Variants in PAXX observed in about 807,000 individuals in gnomAD.
The protein encoded by PAXX is PAXX non-homologous end joining factor.
A neutral mutation model predicts 25.6 loss-of-function variants in PAXX; 27 were observed. The observed-to-expected ratio is 1.06, with a 90% CI of 0.78 to 1.46. The LOEUF (loss-of-function observed/expected upper bound fraction) is 1.46, where lower values mean the gene tolerates loss of function less well. Among genes scored for constraint, PAXX ranks in the 40% most tolerant of loss-of-function variants. The pLI, the probability that PAXX is intolerant of heterozygous loss-of-function variation, is 0.00. For synonymous variants in PAXX, 126 were observed against 125.7 expected, an observed-to-expected ratio of 1.00 and a Z score of -0.02; for missense variants, 295 against 280.2, an observed-to-expected ratio of 1.05 and a Z score of -0.38.
chr9:136,992,658 G>T lies in PAXX; in HGVS notation c.138G>T (p.Glu46Asp). 6.5e-7 allele frequency: 1 copy of T among 1,541,130 alleles called. No homozygotes were observed. The highest frequency in any genetic ancestry group is 8.7e-7 in the Non-Finnish European group (1 of 1,146,836). ...GFNLYVTDAA[E>D]LWSTCFTPDS... ...CCCCCAGCGTGACCGACGCCGCGGA[G>T]CTTTGGAGCACCTGCTTCACGCCGG... Residue 46 changes from glutamate (E) to aspartate (D), a missense_variant, in exon 2 of 7, where the codon GAG (glutamate) becomes GAT (aspartate). Coordinates refer to ENST00000371620, the MANE Select transcript of PAXX (RefSeq NM_183241.3).
Position 136,993,129 on chromosome 9 carries a change from T to G in PAXX, c.307T>G (p.Ser103Ala). The change falls in exon 4 of 7, where the codon TCG becomes GCG. Residue 103 changes from serine (S) to alanine (A), a missense_variant. Physicochemically the swap from Ser to Ala is moderately conservative, Grantham distance 99. Transcript: ENST00000371620. ...RASLTLSGGP[S>A]ALAFDLSKVP... ...ATCCCTGACGCTTTCAGGGGGGCCC[T>G]CGGCACTGGCCTTTGACCTCTCCAA... 6.2e-7 allele frequency: 1 copy of G among 1,600,090 alleles called. No individual in the cohort carries two copies. Among genetic ancestry groups the G allele is most frequent in the South Asian group, 1.1e-5 (1 of 89,628 alleles).
chr9:136,993,715 A>G, intron 6 of PAXX, 51 bp downstream of exon 6: 1 of 1,612,622 alleles, frequency 6.2e-7, no homozygotes, highest in Non-Finnish European at 8.5e-7. Flanking sequence ...CCTGGACCCC[A>G]CCCCTTTCTC....
intron 5 of PAXX, 51 bp from the exon 6 acceptor site, chr9:136,993,529 G>A (rs773453485): frequency 6.2e-7 from 1 of 1,607,680 alleles, no homozygotes; most frequent in Non-Finnish European, 8.5e-7. Context: ...AGAAGGTTGT[G>A]GTTGGGATGC....
intron 4 of PAXX, 34 bp downstream of exon 4, chr9:136,993,277 T>G: frequency 1.3e-6 from 2 of 1,565,996 alleles, no homozygotes; most frequent in Non-Finnish European, 1.7e-6. Flanking sequence ...ATACCTTCAC[T>G]GGGGTCCCCT....
Position 136,993,130 on chromosome 9 carries a change from C to A in PAXX, c.308C>A (p.Ser103Ter). Residue 103 changes from serine to a stop codon, truncating the protein, a stop_gained, in exon 4 of 7, where the codon TCG (serine) becomes TAG (stop). Transcript: ENST00000371620. LOFTEE classifies it high-confidence loss of function. ...TCCCTGACGCTTTCAGGGGGGCCCT[C>A]GGCACTGGCCTTTGACCTCTCCAAG... ...RASLTLSGGP[S>*]ALAFDLSKVP... The A allele has an allele frequency of 1.3e-6, 2 of 1,599,176 alleles. No individual in the cohort carries two copies.
Position 136,993,911 on chromosome 9 carries a change from C to A in PAXX, c.*106C>A. The stretch of plus-strand genomic sequence containing the variant: ...CCGCCACCACCTCCACCTGCCTGTC[C>A]TGGGCCAGGACTAACACGGCTCCTC... On this transcript the variant is annotated 3_prime_UTR_variant, in exon 7 of 7. Coordinates refer to ENST00000371620, the MANE Select transcript of PAXX (RefSeq NM_183241.3). 1 of 1,144,956 alleles carries A rather than the reference C, an allele frequency of 8.7e-7. No individual in the cohort carries two copies. Among genetic ancestry groups the A allele is most frequent in the Non-Finnish European group, 1.3e-6 (1 of 786,516 alleles). The allele number at this position is 1,144,956 out of a possible 1,614,324, so 70.9% of individuals were successfully genotyped here.
At position 136,993,368 on chromosome 9, in the gene PAXX, G is replaced by A. The variant is rs774501223; in HGVS notation, c.447G>A (p.Pro149=). 4 of 1,606,214 alleles carry A rather than the reference G, an allele frequency of 2.5e-6. No homozygotes were observed. The African/African-American group carries it at 4.0e-5, about 16-fold the overall frequency. Residue 149 remains proline (P), a synonymous_variant, in exon 5 of 7, where the codon CCG becomes CCA. Coordinates refer to ENST00000371620, the MANE Select transcript of PAXX (RefSeq NM_183241.3). ...LAAAEETAVS[P]RKSPRPAGPQ... is the part of the protein sequence containing the mutation. ...CTGCAGAAGAGACAGCTGTCAGCCC[G>A]AGGAAGAGCCCCCGGCCTGCAGGGC...
rs1328648507 is a variant in PAXX, at chr9:136,992,498, C to T, written c.55C>T (p.Arg19Cys). ...CTLPPGPEPP[R>C]FVCYCEGEES... ...GCTGCCGCCGGGCCCCGAGCCGCCC[C>T]GCTTCGTGTGCTACTGCGAAGGGGA... is the stretch of plus-strand genomic sequence containing the variant. Residue 19 changes from arginine to cysteine, a missense_variant, in exon 1 of 7, where the codon CGC becomes TGC. Arg to Cys is a radical substitution (Grantham distance 180). Transcript: ENST00000371620. The T allele has an allele frequency of 2.1e-6, 3 of 1,408,960 alleles. No individual in the cohort carries two copies. Among genetic ancestry groups the T allele is most frequent in the Admixed American group, 3.2e-5 (1 of 31,184 alleles). 87.3% of individuals were successfully genotyped at this position (1,408,960 alleles called of 1,614,324 possible).
chr9:136,992,908 G>GC lies in PAXX; in HGVS notation c.181-13dup. The stretch of plus-strand genomic sequence containing the variant: ...TCGGGTTCCAGGCAGCTCGTGACAA[G>GC]CCCCTGTGCTCTCTAGAAAGCCCGT... On this transcript the variant is annotated splice_polypyrimidine_tract_variant and intron_variant, in intron 2 of 6. Transcript: ENST00000371620. 1 of 1,613,412 alleles carries GC rather than the reference G, an allele frequency of 6.2e-7. No homozygotes were observed. Among genetic ancestry groups the GC allele is most frequent in the Non-Finnish European group, 8.5e-7 (1 of 1,179,948 alleles).
intron 2 of PAXX, 30 bp from the exon 3 acceptor site, chr9:136,992,895 C>CCCTGTGACA: frequency 6.2e-7 from 1 of 1,613,222 alleles, no homozygotes; most frequent in Non-Finnish European, 8.5e-7. Context: ...GGGTTCCAGG[C>CCCTGTGACA]AGCTCGTGAC....
Position 136,992,575 on chromosome 9 carries a change from C to T in PAXX, c.119+13C>T, listed in dbSNP as rs866558858. 250 of 1,509,064 alleles carry T rather than the reference C, an allele frequency of 1.7e-4. 1 individual carries two copies. In the African/African-American group the frequency reaches 2.6e-3, roughly 16 times the overall value. 93.5% of individuals were successfully genotyped at this position (1,509,064 alleles called of 1,614,324 possible). A position where few individuals can be genotyped will look rare whatever the true frequency, so the allele number is the denominator to read the frequency against. On this transcript the variant is annotated intron_variant, in intron 1 of 6. Coordinates refer to ENST00000371620, the MANE Select transcript of PAXX (RefSeq NM_183241.3). ...GCTTCAACCTCTAGTGAGTGGGGGT[C>T]CGCGGGGAGGTAGGGGTGCAGGGAG...
Position 136,993,577 on chromosome 9 carries a change from C to T in PAXX, c.491-3C>T. ...GAGCTGCCCCTGTCCTGTTTTCCCC[C>T]AGACCCAGATCCCCAGAGAGGTGGC... is the stretch of plus-strand genomic sequence containing the variant. On this transcript the variant is annotated splice_polypyrimidine_tract_variant and splice_region_variant and intron_variant, in intron 5 of 6. Transcript: ENST00000371620. 1 of 1,613,930 alleles carries T rather than the reference C, an allele frequency of 6.2e-7. No individual in the cohort carries two copies. The highest frequency in any genetic ancestry group is 8.5e-7 in the Non-Finnish European group (1 of 1,179,980).
chr9:136,992,503 C>A lies in PAXX; in HGVS notation c.60C>A (p.Phe20Leu). Residue 20 changes from phenylalanine (F) to leucine (L), a missense_variant, in exon 1 of 7, where the codon TTC becomes TTA. By Grantham distance (22) the Phe-to-Leu change is conservative. Coordinates refer to ENST00000371620, the MANE Select transcript of PAXX (RefSeq NM_183241.3). ...TLPPGPEPPR[F>L]VCYCEGEESG... Reference sequence around the variant, plus strand: ...CGCCGGGCCCCGAGCCGCCCCGCTTCGTGTGCTACTGCGAAGGGGAGGAAA... The same window carrying A: ...CGCCGGGCCCCGAGCCGCCCCGCTTAGTGTGCTACTGCGAAGGGGAGGAAA... 1.4e-6 allele frequency: 2 copies of A among 1,411,388 alleles called. No homozygotes were observed. The highest frequency in any genetic ancestry group is 3.2e-5 in the Admixed American group (1 of 31,632). The allele number at this position is 1,411,388 out of a possible 1,614,324, so 87.4% of individuals were successfully genotyped here. A position where few individuals can be genotyped will look rare whatever the true frequency, so the allele number is the denominator to read the frequency against.
At position 136,993,208 on chromosome 9, in the gene PAXX, C is replaced by G. The variant is rs1289289528; in HGVS notation, c.386C>G (p.Ala129Gly). The change falls in exon 4 of 7, where the codon GCA becomes GGA. Residue 129 changes from alanine to glycine, a missense_variant. By Grantham distance (60) the Ala-to-Gly change is moderately conservative. Transcript: ENST00000371620. The stretch of plus-strand genomic sequence containing the variant: ...CTGCGGGCGCTGACACTGGGCCTGG[C>G]AAAACGCGTGTGGAGCCTGGAGCGG... ...PRLRALTLGL[A>G]KRVWSLERRL... 1.3e-6 allele frequency: 2 copies of G among 1,539,542 alleles called. No homozygotes were observed. The highest frequency in any genetic ancestry group is 4.1e-5 in the Admixed American group (2 of 48,532).
rs1390604188 is a variant in PAXX at position 136,992,705 on chromosome 9, G to C, written c.180+5G>C. The C allele has an allele frequency of 4.5e-6, 7 of 1,540,888 alleles. No homozygotes were observed. The highest frequency in any genetic ancestry group is 6.1e-6 in the Non-Finnish European group (7 of 1,147,066). On this transcript the variant is annotated splice_donor_5th_base_variant and intron_variant, in intron 2 of 6. Transcript: ENST00000371620. ...CCGGACAGCCTGGCGGCCCTCGTGGGTAACTGGGCGGGTCTGGGAGCCGCC... is the reference window on the plus strand; with the variant it reads ...CCGGACAGCCTGGCGGCCCTCGTGGCTAACTGGGCGGGTCTGGGAGCCGCC...
chr9:136,992,690 T>C lies in PAXX; in HGVS notation c.170T>C (p.Leu57Pro), dbSNP rs1430759511. ...AGCACCTGCTTCACGCCGGACAGCC[T>C]GGCGGCCCTCGTGGGTAACTGGGCG... Reference protein sequence around the residue: ...LWSTCFTPDSLAALKARFGLS... With the variant: ...LWSTCFTPDSPAALKARFGLS... Residue 57 changes from leucine to proline, a missense_variant, in exon 2 of 7, where the codon CTG becomes CCG. Leu to Pro is a moderately conservative substitution (Grantham distance 98). Coordinates refer to ENST00000371620, the MANE Select transcript of PAXX (RefSeq NM_183241.3). 2 of 1,540,432 alleles carry C rather than the reference T, an allele frequency of 1.3e-6. No homozygotes were observed. Among genetic ancestry groups the C allele is most frequent in the Non-Finnish European group, 1.7e-6 (2 of 1,146,930 alleles).
rs1158875477 is a variant in PAXX, at chr9:136,993,620, G to A, written c.531G>A (p.Arg177=). Reference sequence around the variant, plus strand: ...GAGGTGGCCCTGGACCTGGAGTCAGGAGGCGGTGTCCAGGAGAGTCGCTCA... The same window carrying A: ...GAGGTGGCCCTGGACCTGGAGTCAGAAGGCGGTGTCCAGGAGAGTCGCTCA... ...PQRGGPGPGV[R]RRCPGESLIN... is the part of the protein sequence containing the mutation. The change falls in exon 6 of 7, where the codon AGG becomes AGA. Residue 177 remains arginine (R), a synonymous_variant. Transcript: ENST00000371620. The A allele has an allele frequency of 4.3e-6, 7 of 1,613,838 alleles. No homozygotes were observed. The highest frequency in any genetic ancestry group is 5.9e-6 in the Non-Finnish European group (7 of 1,180,004).
rs138737233 is a variant in PAXX at position 136,993,653 on chromosome 9, C to T, written c.564C>T (p.Pro188=). 11 of 1,613,796 alleles carry T rather than the reference C, an allele frequency of 6.8e-6. No homozygotes were observed. Among genetic ancestry groups the T allele is most frequent in the East Asian group, 2.2e-5 (1 of 44,880 alleles). Residue 188 remains proline (P), a synonymous_variant, in exon 6 of 7, where the codon CCC becomes CCT. Coordinates refer to ENST00000371620, the MANE Select transcript of PAXX (RefSeq NM_183241.3). ...GTCCAGGAGAGTCGCTCATCAACCCCGGGTTCAAGAGGTACCCTCCCACAG... is the reference window on the plus strand; with the variant it reads ...GTCCAGGAGAGTCGCTCATCAACCCTGGGTTCAAGAGGTACCCTCCCACAG... ...RRCPGESLIN[P]GFKSKKPAGG...
chr9:136,992,520 G>GA lies in PAXX; in HGVS notation c.77_78insA (p.Glu27GlyfsTer44), dbSNP rs1830599238. The GA allele has an allele frequency of 6.9e-7, 1 of 1,448,362 alleles. No individual in the cohort carries two copies. The highest frequency in any genetic ancestry group is 1.4e-5 in the African/African-American group (1 of 69,210). 89.7% of individuals were successfully genotyped at this position (1,448,362 alleles called of 1,614,324 possible). A position where few individuals can be genotyped will look rare whatever the true frequency, so the allele number is the denominator to read the frequency against. On this transcript the variant is annotated frameshift_variant, in exon 1 of 7. Transcript: ENST00000371620. LOFTEE classifies it high-confidence loss of function. ...CCCCGCTTCGTGTGCTACTGCGAAG[G>GA]GGAGGAAAGCGGGGAGGGGGACCGC...
Sources: gnomAD v4.1 joint callset for allele counts on GRCh38, gnomAD v4.1.1 for gene constraint, MANE v1.5 for transcripts, NCBI Gene and HGNC (gene_info 2026-07-23, HGNC 2026-07-21) for gene names.